The following TENM1 variants were observed in gnomAD, a reference collection of about 807,000 sequenced individuals.
TENM1 encodes teneurin-1.
TENM1 carries 35 observed loss-of-function variants against 174.8 expected under a neutral mutation model. That is an observed-to-expected ratio of 0.20 (90% CI 0.15 to 0.27). The LOEUF is 0.27. TENM1 is among the 10% of genes least tolerant of loss of function. The probability of loss-of-function intolerance (pLI) is 1.00; values close to 1 mark genes in which losing one functional copy is unlikely to be tolerated. For missense variants in TENM1, 1,633 were observed against 2,130.1 expected (o/e 0.77, Z 4.59); for synonymous variants, 781 against 798.7 (o/e 0.98, Z 0.37).
At chrX:124,748,431 C>T (rs1288273468) in intron 3 of TENM1, among the ~76,000 whole-genome samples, 2 of 110,296 alleles carry the variant, frequency 1.8e-5, no homozygotes, top group East Asian at 2.8e-4. Context: ...GTGCTGTCTA[C>T]TACTGAACTA....
At chrX:124,598,430 T>C (rs2049954933) in intron 11 of TENM1, among the ~76,000 whole-genome samples, 1 of 111,734 alleles carries the variant, frequency 8.9e-6, no homozygotes, top group Non-Finnish European at 1.9e-5. Flanking sequence ...AAGAGAAATC[T>C]GCACCCCTAT....
intron 3 of TENM1, among the ~76,000 whole-genome samples, chrX:124,773,444 A>C (rs1318364526): frequency 9.0e-6 from 1 of 110,817 alleles, no homozygotes; most frequent in Non-Finnish European, 1.9e-5. Context: ...AAAACATGTA[A>C]AAATACTGGA....
chrX:124,644,048 T>C (rs893495949), intron 10 of TENM1, among the ~76,000 whole-genome samples: 26 of 96,524 alleles, frequency 2.7e-4, no homozygotes, highest in African/African-American at 1.0e-3. Flanking sequence ...AAATGGCATA[T>C]ATATATATAT....
intron 11 of TENM1, among the ~76,000 whole-genome samples, chrX:124,613,190 T>C (rs758110266): frequency 9.0e-6 from 1 of 111,401 alleles, no homozygotes; most frequent in South Asian, 3.8e-4. Context: ...AACTTTACCT[T>C]TTACAAAGCA....
intron 3 of TENM1, among the ~76,000 whole-genome samples, chrX:124,855,051 A>G (rs951309311): frequency 8.9e-6 from 1 of 111,734 alleles, no homozygotes; most frequent in Non-Finnish European, 1.9e-5. Flanking sequence ...TCCAGTTTAT[A>G]GTCTTATTAC....
At chrX:124,754,684 T>A (rs1354893158) in intron 3 of TENM1, among the ~76,000 whole-genome samples, 1 of 109,698 alleles carries the variant, frequency 9.1e-6, no homozygotes, top group Non-Finnish European at 1.9e-5. Flanking sequence ...TCTGGTATGT[T>A]GTGTCTTTGT....
the TENM1 span, among the ~76,000 whole-genome samples, chrX:125,176,519 C>T: frequency 1.2e-4 from 13 of 111,656 alleles, no homozygotes; most frequent in Non-Finnish European, 2.5e-4. Context: ...CCAAGATTTT[C>T]TCAGACTTTA....
chrX:124,974,112 T>C, the TENM1 span, among the ~76,000 whole-genome samples: 1 of 111,575 alleles, frequency 9.0e-6, no homozygotes, highest in East Asian at 2.8e-4. Context: ...CTACTACTAA[T>C]AATAATAAAG....
intron 3 of TENM1, among the ~76,000 whole-genome samples, chrX:124,824,255 T>TAA (rs1441784814): frequency 8.9e-6 from 1 of 112,369 alleles, no homozygotes; most frequent in African/African-American, 3.2e-5. Context: ...TCAGTTTGAT[T>TAA]AACTGTCTGG....
chrX:124,492,506 T>C (rs753610665), intron 20 of TENM1, among the ~76,000 whole-genome samples: 2 of 111,204 alleles, frequency 1.8e-5, no homozygotes, highest in Admixed American at 9.6e-5. Flanking sequence ...ATGCTTTTTT[T>C]TTTTTAAAAG....
At chrX:125,113,376 C>T in the TENM1 span, among the ~76,000 whole-genome samples, 3 of 111,125 alleles carry the variant, frequency 2.7e-5, no homozygotes, top group East Asian at 8.5e-4. Context: ...CATTACTAAT[C>T]ATCAGAGAAA....
chrX:124,919,678 C>T (rs2057989207), intron 1 of TENM1, among the ~76,000 whole-genome samples: 1 of 111,306 alleles, frequency 9.0e-6, no homozygotes, highest in Admixed American at 9.6e-5. Context: ...TCTTAAGCTA[C>T]ATGGTGAATA....
At chrX:125,098,259 A>G in the TENM1 span, among the ~76,000 whole-genome samples, 1 of 111,689 alleles carries the variant, frequency 9.0e-6, no homozygotes, top group Admixed American at 9.5e-5. Flanking sequence ...GCAAGACTCC[A>G]TCTCAAAAAT....
intron 22 of TENM1, among the ~76,000 whole-genome samples, chrX:124,465,757 G>A (rs375686448): frequency 9.2e-6 from 1 of 108,819 alleles, no homozygotes; most frequent in Admixed American, 9.9e-5. Flanking sequence ...TCCAGTCTGC[G>A]AATCCCCGTG....
At chrX:125,064,433 A>G in the TENM1 span, among the ~76,000 whole-genome samples, 10 of 106,542 alleles carry the variant, frequency 9.4e-5, no homozygotes, top group Admixed American at 2.9e-4. Flanking sequence ...AAGTTTGTGT[A>G]GAAGAATAGT....
chrX:125,147,525 A>C, the TENM1 span, among the ~76,000 whole-genome samples: 1 of 111,482 alleles, frequency 9.0e-6, no homozygotes, highest in Admixed American at 9.6e-5. Flanking sequence ...CAAGACTCTA[A>C]CCTTATAATT....
intron 3 of TENM1, among the ~76,000 whole-genome samples, chrX:124,889,328 G>A (rs766117438): frequency 9.0e-6 from 1 of 111,207 alleles, no homozygotes; most frequent in African/African-American, 3.3e-5. Flanking sequence ...TGTCTCCTTG[G>A]AATTTAGAAA....
At chrX:124,863,319 G>A (rs1393487290) in intron 3 of TENM1, among the ~76,000 whole-genome samples, 1 of 110,570 alleles carries the variant, frequency 9.0e-6, no homozygotes, top group Non-Finnish European at 1.9e-5. Context: ...GGCTCTTGGG[G>A]TCCCCAGTTC....
At chrX:124,589,176 TG>T (rs201127166) in intron 11 of TENM1, among the ~76,000 whole-genome samples, 1,273 of 110,491 alleles carry the variant, frequency 0.012, 18 homozygotes, top group African/African-American at 0.039. Context: ...ATATGACTTT[TG>T]TTTTTAAGAT....
Sources: gnomAD v4.1 joint callset for allele counts (sites outside exome capture counted in the v4.1 genomes callset) on GRCh38, gnomAD v4.1.1 for gene constraint, MANE v1.5 for transcripts, NCBI Gene and HGNC (gene_info 2026-07-23, HGNC 2026-07-21) for gene names.